Variants in KLHL8 observed in about 807,000 individuals in gnomAD.
KLHL8 encodes the protein kelch-like protein 8.
Under a neutral mutation model 63.5 loss-of-function variants are expected in KLHL8, and 38 were observed. The ratio of observed to expected loss-of-function variants is 0.60; its 90% CI spans 0.46 to 0.78. KLHL8 has a LOEUF of 0.78. Ranked by LOEUF, KLHL8 falls within the 30% of genes least tolerant of loss-of-function variation. The probability of loss-of-function intolerance (pLI) is 0.00; values close to 1 mark genes in which losing one functional copy is unlikely to be tolerated. For synonymous variants in KLHL8, 224 were observed against 254.3 expected, an observed-to-expected ratio of 0.88 and a Z score of 1.13; for missense variants, 566 against 752.4, an observed-to-expected ratio of 0.75 and a Z score of 2.90.
At chr4:87,188,359 T>C (rs1731344463) in intron 2 of KLHL8, among the ~76,000 whole-genome samples, 1 of 152,182 alleles carries the variant, frequency 6.6e-6, no homozygotes, top group South Asian at 2.1e-4. Context: ...TCTTACATAA[T>C]AGTATCATAA....
intron 1 of KLHL8, among the ~76,000 whole-genome samples, chr4:87,213,008 G>A (rs1732467525): frequency 6.6e-6 from 1 of 152,170 alleles, no homozygotes; most frequent in African/African-American, 2.4e-5. Flanking sequence ...ATCAAAGCCT[G>A]CTTGTTAAAT....
intron 1 of KLHL8, among the ~76,000 whole-genome samples, chr4:87,225,715 TG>T (rs1182454210): frequency 6.6e-6 from 1 of 152,136 alleles, no homozygotes; most frequent in Non-Finnish European, 1.5e-5. Flanking sequence ...TTAGGTAGTT[TG>T]GGGGTGGGTC....
intron 3 of KLHL8, among the ~76,000 whole-genome samples, chr4:87,183,907 T>C (rs1731148816): frequency 6.6e-6 from 1 of 152,224 alleles, no homozygotes; most frequent in Admixed American, 6.5e-5. Context: ...TGGAAGGGAA[T>C]ATACTAACTT....
intron 4 of KLHL8, among the ~76,000 whole-genome samples, chr4:87,180,792 C>T (rs1168009306): frequency 6.6e-6 from 1 of 152,030 alleles, no homozygotes; most frequent in Non-Finnish European, 1.5e-5. Context: ...CCCATAATCC[C>T]AGCACTTTGG....
chr4:87,171,019 C>T (rs993515496), intron 6 of KLHL8, among the ~76,000 whole-genome samples: 4 of 152,140 alleles, frequency 2.6e-5, no homozygotes, highest in Non-Finnish European at 4.4e-5. Context: ...CATGCAATTA[C>T]AGAGCTCATT....
Position 87,185,499 on chromosome 4 carries a change from T to C in KLHL8, c.517A>G (p.Arg173Gly). The C allele has an allele frequency of 1.9e-6, 3 of 1,614,210 alleles. No individual in the cohort carries two copies. The highest frequency in any genetic ancestry group is 2.5e-6 in the Non-Finnish European group (3 of 1,180,030). Residue 173 changes from arginine to glycine, a missense_variant, in exon 3 of 10, where the codon AGA (arginine) becomes GGA (glycine). By Grantham distance (125) the Arg-to-Gly change is moderately radical (BLOSUM62 -2). Coordinates refer to ENST00000273963, the MANE Select transcript of KLHL8 (RefSeq NM_020803.5). ...CGATTGTGACTTTCTGCAAAGGCTC[T>C]TACTGCCAGGCAATTGGAGGGATGA... ...HFHPSNCLAVRAFAESHNRID... is the reference protein window; with the variant it reads ...HFHPSNCLAVGAFAESHNRID...
At chr4:87,184,106 A>G (rs1163242574) in intron 3 of KLHL8, among the ~76,000 whole-genome samples, 1 of 152,198 alleles carries the variant, frequency 6.6e-6, no homozygotes, top group Non-Finnish European at 1.5e-5. Flanking sequence ...CAGTCCCTGT[A>G]TCTATTGTTA....
rs751047206 is a variant in KLHL8, at chr4:87,183,233, T to C, written c.922A>G (p.Ile308Val). Residue 308 changes from isoleucine (I) to valine (V), a missense_variant, in exon 4 of 10, where the codon ATT becomes GTT. Coordinates refer to ENST00000273963, the MANE Select transcript of KLHL8 (RefSeq NM_020803.5). ...GTATGCTTCCTTGGGGTAGTCCGAA[T>C]GGAGTATTCAAAGTCAGGTACTGCT... is the stretch of plus-strand genomic sequence containing the variant. ...SRAVPDFEYSIRTTPRKHTAG... is the reference protein window; with the variant it reads ...SRAVPDFEYSVRTTPRKHTAG... 4 of 1,611,428 alleles carry C rather than the reference T, an allele frequency of 2.5e-6. No homozygotes were observed. The highest frequency in any genetic ancestry group is 1.1e-5 in the South Asian group (1 of 90,710).
At position 87,163,385 on chromosome 4, in the gene KLHL8, G is replaced by C; in HGVS notation, c.*134C>G. The stretch of plus-strand genomic sequence containing the variant: ...GGTATCATTCCAAAAGTTGTACTTA[G>C]TCACAATACAACAGTTAACATTTAA... On this transcript the variant is annotated 3_prime_UTR_variant, in exon 10 of 10. Coordinates refer to ENST00000273963, the MANE Select transcript of KLHL8 (RefSeq NM_020803.5). The C allele has an allele frequency of 1.2e-6, 1 of 809,064 alleles. No homozygotes were observed. Among genetic ancestry groups the C allele is most frequent in the Admixed American group, 2.8e-5 (1 of 35,160 alleles). The allele number at this position is 809,064 out of a possible 1,614,324, so 50.1% of individuals were successfully genotyped here.
At chr4:87,181,020 A>C (rs1731030596) in intron 4 of KLHL8, among the ~76,000 whole-genome samples, 1 of 152,192 alleles carries the variant, frequency 6.6e-6, no homozygotes, top group African/African-American at 2.4e-5. Flanking sequence ...TGGATGACAG[A>C]GCAAGATCCT....
At chr4:87,179,787 T>C (rs1730981443) in intron 4 of KLHL8, among the ~76,000 whole-genome samples, 1 of 150,716 alleles carries the variant, frequency 6.6e-6, no homozygotes, top group Non-Finnish European at 1.5e-5. Flanking sequence ...TAAAAATAAA[T>C]AAGACAAAAA....
intron 8 of KLHL8, among the ~76,000 whole-genome samples, chr4:87,164,988 A>G (rs1318993269): frequency 6.6e-6 from 1 of 151,946 alleles, no homozygotes; most frequent in Non-Finnish European, 1.5e-5. Flanking sequence ...CTCTACTAAA[A>G]ATACAAAAAA....
chr4:87,170,904 T>C (rs1730609183), intron 6 of KLHL8, among the ~76,000 whole-genome samples: 1 of 151,412 alleles, frequency 6.6e-6, no homozygotes, highest in Non-Finnish European at 1.5e-5. Flanking sequence ...TATAAAAGAG[T>C]TCAAAATATT....
rs1312016089 is a variant in KLHL8 at position 87,160,180 on chromosome 4, A to C, written c.*3339T>G. 2.0e-5 allele frequency: 3 copies of C among 152,188 alleles called. No individual in the cohort carries two copies. The highest frequency in any genetic ancestry group is 7.2e-5 in the African/African-American group (3 of 41,464). The allele number at this position is 152,188 out of a possible 1,614,324, so 9.4% of individuals were successfully genotyped here. A position where few individuals can be genotyped will look rare whatever the true frequency, so the allele number is the denominator to read the frequency against. On this transcript the variant is annotated 3_prime_UTR_variant, in exon 10 of 10. Coordinates refer to ENST00000273963, the MANE Select transcript of KLHL8 (RefSeq NM_020803.5). ...GTGACCCCAACTTTTTGATATCCAT[A>C]GTTGGTGATATATATGACCACTTAT...
chr4:87,204,623 T>C (rs554745498), intron 1 of KLHL8, among the ~76,000 whole-genome samples: 3 of 152,306 alleles, frequency 2.0e-5, no homozygotes, highest in South Asian at 4.1e-4. Context: ...AATAGAACAC[T>C]ACCTCACAAT....
intron 4 of KLHL8, among the ~76,000 whole-genome samples, chr4:87,182,482 GA>G (rs1351093017): frequency 2.0e-5 from 3 of 151,970 alleles, no homozygotes; most frequent in African/African-American, 7.3e-5. Flanking sequence ...ACCATATATA[GA>G]GGAAGTCTCT....
chr4:87,226,919 T>TATATTATATATAAATA, intron 1 of KLHL8, among the ~76,000 whole-genome samples: 1 of 18,388 alleles, frequency 5.4e-5, no homozygotes, highest in African/African-American at 2.1e-4. Flanking sequence ...ATATAAATAA[T>TATATTATATATAAATA]ATATATATTA....
upstream of KLHL8, among the ~76,000 whole-genome samples, chr4:87,222,831 G>A (rs751132544): frequency 9.9e-5 from 15 of 152,150 alleles, no homozygotes; most frequent in East Asian, 7.7e-4. Context: ...TGATCCACTC[G>A]CCTCAGCCTC....
In KLHL8 at chr4:87,234,043, G is replaced by T. The variant is rs143505073; in HGVS notation, n.57+6215C>A. Among the ~76,000 whole-genome samples, 875 of 152,276 alleles carry T rather than the reference G, an allele frequency of 5.7e-3. 4 individuals are homozygous for T. Among genetic ancestry groups the T allele is most frequent in the Non-Finnish European group, 9.7e-3 (661 of 68,014 alleles). ...CTACATTTAGAGTAGAATGAGTTCT[G>T]GGTCCATACTGTAGATGTAGAGATA... On this transcript the variant is annotated intron_variant and non_coding_transcript_variant, in intron 1 of 1. Coordinates refer to the KLHL8 transcript ENST00000506274.
Sources: allele counts gnomAD v4.1 joint callset (sites outside exome capture counted in the v4.1 genomes callset), GRCh38; gene constraint gnomAD v4.1.1; transcripts MANE v1.5; gene names NCBI Gene and HGNC (gene_info 2026-07-23, HGNC 2026-07-21).